OR1L8: variants seen among roughly 807,000 people sequenced by gnomAD.
OR1L8 encodes the protein olfactory receptor 1L8.
For missense variants in OR1L8, 330 were observed against 377.4 expected, an observed-to-expected ratio of 0.87 and a Z score of 1.04; for synonymous variants, 148 against 147.0, an observed-to-expected ratio of 1.01 and a Z score of -0.05.
intron 2 of OR1L8, among the ~76,000 whole-genome samples, 191 bp from the exon 3 acceptor site, chr9:122,577,092 G>A (rs1012644645): frequency 4.6e-5 from 7 of 152,186 alleles, no homozygotes; most frequent in African/African-American, 1.7e-4. Flanking sequence ...TGCTAGTAGT[G>A]TGAATACAAA....
intron 3 of OR1L8, among the ~76,000 whole-genome samples, chr9:122,574,640 G>T (rs1829610852): frequency 6.6e-6 from 1 of 152,064 alleles, no homozygotes; most frequent in Admixed American, 6.6e-5. Context: ...TGTGAACAAA[G>T]ATAGTTTCAT....
rs188632461 is a variant in OR1L8, at chr9:122,582,677, T to C, written c.-600+644A>G. On this transcript the variant is annotated intron_variant, in intron 1 of 4. Transcript: ENST00000641027. ...TGAGGCTACAGTAAGCTACACCCCA[T>C]TGCACTACAGCTGGGTTGACAGAGT... 3.5e-4 allele frequency among the ~76,000 whole-genome samples: 54 copies of C among 152,146 alleles called. No homozygotes were observed. In the East Asian group the frequency reaches 9.5e-3, roughly 27 times the overall value.
At chr9:122,561,716 A>G in the OR1L8 span, among the ~76,000 whole-genome samples, 2 of 152,118 alleles carry the variant, frequency 1.3e-5, no homozygotes, top group Non-Finnish European at 2.9e-5. Flanking sequence ...TGCTCCTTCC[A>G]TTGGTATCGC....
chr9:122,580,182 G>A (rs1411938912), intron 1 of OR1L8, among the ~76,000 whole-genome samples: 1 of 152,016 alleles, frequency 6.6e-6, no homozygotes, highest in African/African-American at 2.4e-5. Flanking sequence ...AAAAAAAAAT[G>A]TTCCAAGAAT....
chr9:122,549,541 T>C, the OR1L8 span, among the ~76,000 whole-genome samples: 115,625 of 152,134 alleles, frequency 0.76, 44,545 homozygotes, highest in East Asian at 0.99. Context: ...TTTTTGTATA[T>C]GGTGAGAAAT....
intron 4 of OR1L8, among the ~76,000 whole-genome samples, chr9:122,572,060 T>A (rs1355428342): frequency 6.6e-6 from 1 of 152,188 alleles, no homozygotes; most frequent in African/African-American, 2.4e-5. Flanking sequence ...GCATCTTACA[T>A]GGCAGGAGCA....
chr9:122,551,499 C>A, the OR1L8 span, among the ~76,000 whole-genome samples: 1 of 152,286 alleles, frequency 6.6e-6, no homozygotes, highest in South Asian at 2.1e-4. Context: ...AGTTTATACT[C>A]CTGATTTCTT....
At chr9:122,574,479 T>A (rs1441368687) in intron 3 of OR1L8, among the ~76,000 whole-genome samples, 1 of 152,138 alleles carries the variant, frequency 6.6e-6, no homozygotes, top group Admixed American at 6.5e-5. Flanking sequence ...GTTCTTAATT[T>A]CAAAATCCAC....
At chr9:122,559,624 G>C in the OR1L8 span, among the ~76,000 whole-genome samples, 1 of 152,156 alleles carries the variant, frequency 6.6e-6, no homozygotes, top group Admixed American at 6.5e-5. Flanking sequence ...TTTCCATGTA[G>C]TTGTGTGTTT....
chr9:122,562,276 T>C (rs1318493606), downstream of OR1L8, among the ~76,000 whole-genome samples: 5 of 152,342 alleles, frequency 3.3e-5, no homozygotes, highest in East Asian at 9.6e-4. Flanking sequence ...GCAGTCCCAG[T>C]GTTGGCTGCT....
At chr9:122,552,749 AGTGTGTGTGTGTGTGTGTGTGTGTGTGT>A in the OR1L8 span, among the ~76,000 whole-genome samples, 1 of 129,662 alleles carries the variant, frequency 7.7e-6, no homozygotes, top group African/African-American at 3.0e-5. Flanking sequence ...AGAGGGCTTG[AGTGTGTGTGTGTGTGTGTGTGTGTGTGT>A]GTGTGTGTGT....
chr9:122,554,156 T>C, the OR1L8 span: 27 of 1,609,642 alleles, frequency 1.7e-5, no homozygotes, highest in Non-Finnish European at 2.3e-5. Flanking sequence ...AAACATTCTT[T>C]TTATGATTAG....
the OR1L8 span, among the ~76,000 whole-genome samples, chr9:122,560,692 A>T: frequency 2.0e-5 from 3 of 152,076 alleles, no homozygotes; most frequent in African/African-American, 7.2e-5. Context: ...CTGCTGAGAG[A>T]TCCTCTCTTA....
intron 3 of OR1L8, among the ~76,000 whole-genome samples, chr9:122,576,167 A>G (rs10985707): frequency 0.26 from 39,348 of 151,434 alleles, 5,548 homozygotes; most frequent in African/African-American, 0.32. Flanking sequence ...GTAAGAGTAC[A>G]GAAAGTATAT....
intron 3 of OR1L8, among the ~76,000 whole-genome samples, chr9:122,576,307 C>T (rs149125801): frequency 0.05 from 7,660 of 151,986 alleles, 299 homozygotes; most frequent in South Asian, 0.16. Context: ...CTGCAACCTC[C>T]GCCTCCTGGG....
At chr9:122,570,701 G>GATAT (rs1829531621) in intron 4 of OR1L8, among the ~76,000 whole-genome samples, 1 of 152,070 alleles carries the variant, frequency 6.6e-6, no homozygotes, top group South Asian at 2.1e-4. Flanking sequence ...TATCTCACAT[G>GATAT]CTTAAAATAT....
chr9:122,548,930 C>A, the OR1L8 span, among the ~76,000 whole-genome samples: 2 of 151,926 alleles, frequency 1.3e-5, no homozygotes, highest in African/African-American at 4.8e-5. Context: ...TTTGTTTACT[C>A]TGTTGATTAT....
chr9:122,546,864 A>G, the OR1L8 span, among the ~76,000 whole-genome samples: 22 of 152,176 alleles, frequency 1.4e-4, no homozygotes, highest in African/African-American at 4.6e-4. Flanking sequence ...CGGGGGGTAC[A>G]TAGTGATGTT....
chr9:122,572,593 A>G (rs1829573207), intron 4 of OR1L8, among the ~76,000 whole-genome samples, 187 bp downstream of exon 4: 1 of 146,888 alleles, frequency 6.8e-6, no homozygotes, highest in African/African-American at 2.5e-5. Flanking sequence ...TTTTTTTTCT[A>G]CTAATAGGGT....
Sources: allele counts gnomAD v4.1 joint callset (sites outside exome capture counted in the v4.1 genomes callset), GRCh38; gene constraint gnomAD v4.1.1; transcripts MANE v1.5; gene names NCBI Gene and HGNC (gene_info 2026-07-23, HGNC 2026-07-21).